The following SQLE variants were observed in gnomAD, a reference collection of about 807,000 sequenced individuals.
The protein encoded by SQLE is squalene epoxidase.
A neutral mutation model predicts 60.7 loss-of-function variants in SQLE; 29 were observed. The ratio of observed to expected loss-of-function variants is 0.48; its 90% CI spans 0.36 to 0.65. The LOEUF (loss-of-function observed/expected upper bound fraction) is 0.65, where lower values mean the gene tolerates loss of function less well. Among genes scored for constraint, SQLE ranks in the 30% least tolerant of loss-of-function variants. SQLE has a pLI of 0.00. For synonymous variants in SQLE, 237 were observed against 246.8 expected (o/e 0.96, Z 0.37); for missense variants, 605 against 684.1 (o/e 0.88, Z 1.29).
In SQLE at chr8:125,021,756, G is replaced by A; in HGVS notation, c.1536G>A (p.Leu512=). 2.5e-6 allele frequency: 4 copies of A among 1,592,154 alleles called. No homozygotes were observed. Among genetic ancestry groups the A allele is most frequent in the Non-Finnish European group, 3.4e-6 (4 of 1,168,652 alleles). The stretch of plus-strand genomic sequence containing the variant: ...TATGTATTTTTTTCTATTACAGATT[G>A]TCTCCTAACCCTCTAGTTTTAATTG... ...VAGPVGLLSV[L]SPNPLVLIGH... is the part of the protein sequence containing the mutation. Residue 512 remains leucine, a synonymous_variant, in exon 11 of 11, where the codon TTG becomes TTA. Coordinates refer to ENST00000265896, the MANE Select transcript of SQLE (RefSeq NM_003129.4).
intron 10 of SQLE, 108 bp downstream of exon 10, chr8:125,020,979 A>T: frequency 2.7e-6 from 2 of 739,872 alleles, no homozygotes; most frequent in Non-Finnish European, 4.6e-6. Flanking sequence ...ATATTTTATT[A>T]TCTGTTAGTA....
At position 124,998,538 on chromosome 8, in the gene SQLE, T is replaced by C. The variant is rs987812638; in HGVS notation, c.-866T>C. Reference sequence around the variant, plus strand: ...TGGAGCCTGGCGGCGAGTGGGGGCGTGCGACGGTTACTCTGGTTACTGGGG... The same window carrying C: ...TGGAGCCTGGCGGCGAGTGGGGGCGCGCGACGGTTACTCTGGTTACTGGGG... On this transcript the variant is annotated 5_prime_UTR_variant, in exon 1 of 11. Coordinates refer to ENST00000265896, the MANE Select transcript of SQLE (RefSeq NM_003129.4). The C allele has an allele frequency of 7.5e-6, 5 of 670,806 alleles. No homozygotes were observed. Among genetic ancestry groups the C allele is most frequent in the Non-Finnish European group, 1.3e-5 (5 of 370,386 alleles). The allele number at this position is 670,806 out of a possible 1,614,324, so 41.6% of individuals were successfully genotyped here. A position where few individuals can be genotyped will look rare whatever the true frequency, so the allele number is the denominator to read the frequency against.
chr8:125,010,041 TGTGAG>T (rs965323330), intron 6 of SQLE, among the ~76,000 whole-genome samples: 1 of 152,218 alleles, frequency 6.6e-6, no homozygotes, highest in Non-Finnish European at 1.5e-5. Flanking sequence ...GTAACCACTC[TGTGAG>T]GTAGGCATTA....
chr8:125,000,731 G>A (rs1272378245), intron 1 of SQLE, among the ~76,000 whole-genome samples: 1 of 152,162 alleles, frequency 6.6e-6, no homozygotes, highest in Non-Finnish European at 1.5e-5. Flanking sequence ...TGAGATTACA[G>A]ACGTGAGCCA....
rs1814784437 is a variant in SQLE, at chr8:124,998,609, A to C, written c.-795A>C. ...CCGCCGCCCGCGAGGGATGCTGGTG[A>C]GGAAGCCGTCGGGAGCCGCCGCCGC... On this transcript the variant is annotated 5_prime_UTR_variant, in exon 1 of 11. Transcript: ENST00000265896. 1.5e-6 allele frequency: 1 copy of C among 686,290 alleles called. No homozygotes were observed. The highest frequency in any genetic ancestry group is 2.6e-6 in the Non-Finnish European group (1 of 377,430). The allele number at this position is 686,290 out of a possible 1,614,324, so 42.5% of individuals were successfully genotyped here.
rs948528483 is a variant in SQLE, at chr8:124,999,566, G to A, written c.163G>A (p.Gly55Arg). The A allele has an allele frequency of 6.2e-7, 1 of 1,613,116 alleles. No individual in the cohort carries two copies. Among genetic ancestry groups the A allele is most frequent in the African/African-American group, 1.3e-5 (1 of 74,896 alleles). ...RCRHRNGGLL[G>R]RQQSGSQFAL... The stretch of plus-strand genomic sequence containing the variant: ...TCGCCACCGAAACGGGGGTCTCCTC[G>A]GGCGCCAGCAGAGCGGCTCCCAGTT... Residue 55 changes from glycine (G) to arginine (R), a missense_variant, in exon 1 of 11, where the codon GGG becomes AGG. Gly to Arg is a moderately radical substitution (Grantham distance 125). Transcript: ENST00000265896.
rs1373091240 is a variant in SQLE, at chr8:125,005,817, A to G, written c.725+112A>G. Reference sequence around the variant, plus strand: ...AATGAATTTTTGGGGCATAGTCTAGAACATATGTATATTAAAATAAACTGT... The same window carrying G: ...AATGAATTTTTGGGGCATAGTCTAGGACATATGTATATTAAAATAAACTGT... On this transcript the variant is annotated intron_variant, in intron 3 of 10. Coordinates refer to ENST00000265896, the MANE Select transcript of SQLE (RefSeq NM_003129.4). 3 of 796,630 alleles carry G rather than the reference A, an allele frequency of 3.8e-6. No individual in the cohort carries two copies. In the East Asian group the frequency reaches 9.1e-5, roughly 24 times the overall value. 49.3% of individuals were successfully genotyped at this position (796,630 alleles called of 1,614,324 possible). A position where few individuals can be genotyped will look rare whatever the true frequency, so the allele number is the denominator to read the frequency against.
At position 124,998,604 on chromosome 8, in the gene SQLE, T is replaced by C. The variant is rs576380704; in HGVS notation, c.-800T>C. ...GAGAGCCGCCGCCCGCGAGGGATGCTGGTGAGGAAGCCGTCGGGAGCCGCC... is the reference window on the plus strand; with the variant it reads ...GAGAGCCGCCGCCCGCGAGGGATGCCGGTGAGGAAGCCGTCGGGAGCCGCC... On this transcript the variant is annotated 5_prime_UTR_variant, in exon 1 of 11. Transcript: ENST00000265896. 70 of 686,518 alleles carry C rather than the reference T, an allele frequency of 1.0e-4. No homozygotes were observed. In the African/African-American group the frequency reaches 1.1e-3, roughly 11 times the overall value. The allele number at this position is 686,518 out of a possible 1,614,324, so 42.5% of individuals were successfully genotyped here. A position where few individuals can be genotyped will look rare whatever the true frequency, so the allele number is the denominator to read the frequency against.
chr8:124,998,767 C>G lies in SQLE; in HGVS notation c.-637C>G, dbSNP rs1203864526. 9.8e-6 allele frequency: 5 copies of G among 509,942 alleles called. No individual in the cohort carries two copies. The highest frequency in any genetic ancestry group is 1.0e-5 in the Non-Finnish European group (3 of 285,794). The allele number at this position is 509,942 out of a possible 1,614,324, so 31.6% of individuals were successfully genotyped here. On this transcript the variant is annotated 5_prime_UTR_variant, in exon 1 of 11. Coordinates refer to ENST00000265896, the MANE Select transcript of SQLE (RefSeq NM_003129.4). ...GGGGCTGCATTGCCCTGGAGCCGCACTCTTGAGTCCGAGGCCATCTTTTGT... is the reference window on the plus strand; with the variant it reads ...GGGGCTGCATTGCCCTGGAGCCGCAGTCTTGAGTCCGAGGCCATCTTTTGT...
chr8:125,009,737 G>A (rs904114552), intron 6 of SQLE, among the ~76,000 whole-genome samples: 13 of 151,750 alleles, frequency 8.6e-5, no homozygotes, highest in Non-Finnish European at 1.8e-4. Flanking sequence ...AGGTTGTAGT[G>A]AGCCGAGATC....
chr8:125,021,528 TAA>T (rs3215422), intron 10 of SQLE, among the ~76,000 whole-genome samples: 4 of 85,884 alleles, frequency 4.7e-5, no homozygotes, highest in Admixed American at 1.3e-4. Context: ...TATTTTTTCT[TAA>T]AAAAAAAAAA....
chr8:125,011,629 CGAG>C lies in SQLE; in HGVS notation c.1203_1204+1del. 2 of 1,568,108 alleles carry C rather than the reference CGAG, an allele frequency of 1.3e-6. No individual in the cohort carries two copies. The highest frequency in any genetic ancestry group is 1.7e-6 in the Non-Finnish European group (2 of 1,154,732). ...CCTTCCTCCTTCATCAGTGAAGAAA[CGAG>C]GTATTATTTTTTGGGCTTATTTTAT... is the stretch of plus-strand genomic sequence containing the variant. On this transcript the variant is annotated inframe_deletion and splice_region_variant, in exon 7 of 11. Transcript: ENST00000265896.
At chr8:125,014,224 AAATCTCTTGAT>A (rs746899628) in intron 7 of SQLE, among the ~76,000 whole-genome samples, 1 of 152,214 alleles carries the variant, frequency 6.6e-6, no homozygotes, top group Non-Finnish European at 1.5e-5. Flanking sequence ...AATGAGAGTG[AAATCTCTTGAT>A]GTAAATTCCA....
At position 125,021,765 on chromosome 8, in the gene SQLE, C is replaced by T. The variant is rs748462547; in HGVS notation, c.1545C>T (p.Asn515=). Residue 515 remains asparagine, a synonymous_variant, in exon 11 of 11, where the codon AAC becomes AAT. Transcript: ENST00000265896. ...TTTTCTATTACAGATTGTCTCCTAA[C>T]CCTCTAGTTTTAATTGGACACTTCT... ...PVGLLSVLSP[N]PLVLIGHFFA... 2 of 1,601,502 alleles carry T rather than the reference C, an allele frequency of 1.2e-6. No individual in the cohort carries two copies. The highest frequency in any genetic ancestry group is 8.5e-7 in the Non-Finnish European group (1 of 1,173,262).
At chr8:125,003,152 G>C (rs1814886457) in intron 1 of SQLE, 24 bp from the exon 2 acceptor site, 1 of 1,553,640 alleles carries the variant, frequency 6.4e-7, no homozygotes, top group Non-Finnish European at 8.6e-7. Context: ...TGGATACCTA[G>C]TTTACCTTTT....
chr8:125,016,990 G>T lies in SQLE; in HGVS notation c.1205-1069G>T, dbSNP rs1257288097. Among the ~76,000 whole-genome samples the T allele has an allele frequency of 6.6e-6, 1 of 152,082 alleles. No homozygotes were observed. The highest frequency in any genetic ancestry group is 1.5e-5 in the Non-Finnish European group (1 of 68,016). ...CAAACAGAGTCTGTCCTTCTTTGTTGAGCTGCCTGGAGCTGTGGGGGACGG... is the reference window on the plus strand; with the variant it reads ...CAAACAGAGTCTGTCCTTCTTTGTTTAGCTGCCTGGAGCTGTGGGGGACGG... On this transcript the variant is annotated intron_variant, in intron 7 of 10. Transcript: ENST00000265896. This position sits in a 1 kb window ranked among gnomAD's most constrained non-coding sequence, Gnocchi z 4.1.
chr8:125,021,674 G>T, intron 10 of SQLE, 79 bp from the exon 11 acceptor site: 1 of 1,031,452 alleles, frequency 9.7e-7, no homozygotes, highest in Non-Finnish European at 1.4e-6. Flanking sequence ...GTTGAGCTTC[G>T]TAGATTATAT....
chr8:124,999,632 G>T lies in SQLE; in HGVS notation c.229G>T (p.Gly77Cys). The change falls in exon 1 of 11, where the codon GGC (glycine) becomes TGC (cysteine). Residue 77 changes from glycine (G) to cysteine (C), a missense_variant. Transcript: ENST00000265896. ...TATTCTCTCAGGCCTGCCTTTCATTGGCTTCTTCTGGGCCAAATCCCCCCC... is the reference window on the plus strand; with the variant it reads ...TATTCTCTCAGGCCTGCCTTTCATTTGCTTCTTCTGGGCCAAATCCCCCCC... ...SDILSGLPFIGFFWAKSPPES... is the reference protein window; with the variant it reads ...SDILSGLPFICFFWAKSPPES... 2 of 1,612,654 alleles carry T rather than the reference G, an allele frequency of 1.2e-6. No individual in the cohort carries two copies. The highest frequency in any genetic ancestry group is 1.7e-6 in the Non-Finnish European group (2 of 1,179,306).
Position 124,999,106 on chromosome 8 carries a change from A to G in SQLE, c.-298A>G. ...GGGAACACCATCAAAAAAGAAAAAA[A>G]GGGAATATCTGGATTTCCTGGGCGA... On this transcript the variant is annotated 5_prime_UTR_variant, in exon 1 of 11. Transcript: ENST00000265896. The G allele has an allele frequency of 2.9e-6, 1 of 340,082 alleles. No individual in the cohort carries two copies. Among genetic ancestry groups the G allele is most frequent in the Non-Finnish European group, 5.3e-6 (1 of 190,140 alleles). 21.1% of individuals were successfully genotyped at this position (340,082 alleles called of 1,614,324 possible).
Sources: allele counts gnomAD v4.1 joint callset (sites outside exome capture counted in the v4.1 genomes callset), GRCh38; gene constraint gnomAD v4.1.1; non-coding constraint Gnocchi (gnomAD v3.1); transcripts MANE v1.5; gene names NCBI Gene and HGNC (gene_info 2026-07-23, HGNC 2026-07-21).